The following TTC38 variants were observed in gnomAD, a reference collection of about 807,000 sequenced individuals.
TTC38 encodes tetratricopeptide repeat protein 38.
A neutral mutation model predicts 64.2 loss-of-function variants in TTC38; 64 were observed. The observed-to-expected ratio is 1.00, with a 90% CI of 0.81 to 1.23. The LOEUF (loss-of-function observed/expected upper bound fraction) is 1.23. Ranked by LOEUF, TTC38 falls within the 50% of genes most tolerant of loss-of-function variation. The pLI is 0.00. For missense variants in TTC38, 573 were observed against 615.5 expected (o/e 0.93, Z 0.73); for synonymous variants, 254 against 249.3 (o/e 1.02, Z -0.18).
Position 46,293,278 on chromosome 22 carries a change from C to A in TTC38, c.*394C>A. ...CCTCCCCCCACTGCCTGTCCCCGTC[C>A]CCACCAGGCTGCCCTTGGGATGGAC... On this transcript the variant is annotated 3_prime_UTR_variant, in exon 14 of 14. Coordinates refer to ENST00000381031, the MANE Select transcript of TTC38 (RefSeq NM_017931.4). The surrounding 1 kb of genome is among the most constrained non-coding windows in gnomAD (Gnocchi z 6.6). The A allele has an allele frequency of 4.7e-6, 1 of 213,978 alleles. No individual in the cohort carries two copies. The allele number at this position is 213,978 out of a possible 1,614,324, so 13.3% of individuals were successfully genotyped here. A position where few individuals can be genotyped will look rare whatever the true frequency, so the allele number is the denominator to read the frequency against.
At chr22:46,268,488 T>A (rs1012952286) in intron 1 of TTC38, 26 bp from the exon 2 acceptor site, 1 of 1,613,178 alleles carries the variant, frequency 6.2e-7, no homozygotes, top group Non-Finnish European at 8.5e-7. Flanking sequence ...GAGAAGGCAC[T>A]GCTATTCCCT....
At position 46,275,968 on chromosome 22, in the gene TTC38, G is replaced by A. The variant is rs528670435; in HGVS notation, c.539+547G>A. 2.6e-4 allele frequency among the ~76,000 whole-genome samples: 40 copies of A among 151,988 alleles called. No homozygotes were observed. The highest frequency in any genetic ancestry group is 8.7e-4 in the African/African-American group (36 of 41,542). On this transcript the variant is annotated intron_variant, in intron 5 of 13. Coordinates refer to ENST00000381031, the MANE Select transcript of TTC38 (RefSeq NM_017931.4). This position sits in a 1 kb window ranked among gnomAD's most constrained non-coding sequence, Gnocchi z 4.5. ...AGAGACCAGGAAGTACAGTTCTACC[G>A]TGTGCTTGGGAAGAGAAGAAGGCCT... is the stretch of plus-strand genomic sequence containing the variant.
chr22:46,279,058 T>A (rs1377802949), intron 6 of TTC38, among the ~76,000 whole-genome samples: 1 of 152,198 alleles, frequency 6.6e-6, no homozygotes, highest in African/African-American at 2.4e-5. Flanking sequence ...GAAGTGTAAA[T>A]AAGCGTTGGC....
rs1306037268 is a variant in TTC38, at chr22:46,289,527, A to G, written c.1208A>G (p.Tyr403Cys). ...RVLELLLPIR[Y>C]RIVQLGGSNA... Reference sequence around the variant, plus strand: ...CTGGAGCTGCTCCTGCCCATCCGCTACCGGATCGTCCAGCTCGGTGGGAGC... The same window carrying G: ...CTGGAGCTGCTCCTGCCCATCCGCTGCCGGATCGTCCAGCTCGGTGGGAGC... Residue 403 changes from tyrosine to cysteine, a missense_variant, in exon 12 of 14, where the codon TAC becomes TGC. By Grantham distance (194) the Tyr-to-Cys change is radical. Transcript: ENST00000381031. The G allele has an allele frequency of 6.2e-6, 10 of 1,604,272 alleles. No individual in the cohort carries two copies. The highest frequency in any genetic ancestry group is 6.8e-6 in the Non-Finnish European group (8 of 1,177,098).
At chr22:46,285,367 G>A (rs940274186) in intron 9 of TTC38, 88 bp downstream of exon 9, 5 of 1,278,072 alleles carry the variant, frequency 3.9e-6, no homozygotes, top group Non-Finnish European at 5.7e-6. Flanking sequence ...CATCAGGATT[G>A]TCCCAGCCAG....
intron 1 of TTC38, among the ~76,000 whole-genome samples, 170 bp from the exon 2 acceptor site, chr22:46,268,344 G>A (rs1282401170): frequency 6.6e-6 from 1 of 152,240 alleles, no homozygotes; most frequent in Non-Finnish European, 1.5e-5. Context: ...GGGGACGCAG[G>A]GAAGCCCGCA....
rs1936951806 is a variant in TTC38 at position 46,273,957 on chromosome 22, C to T, written c.253C>T (p.Leu85=). 6.2e-7 allele frequency: 1 copy of T among 1,614,246 alleles called. No homozygotes were observed. The part of the protein sequence containing the change: ...VLIGTGSSVK[L]DKELDLAVKT... The stretch of plus-strand genomic sequence containing the variant: ...GATTGGCACTGGAAGCTCCGTGAAG[C>T]TGGACAAAGAGCTGGACCTGGCTGT... The change falls in exon 4 of 14, where the codon CTG becomes TTG. Residue 85 remains leucine, a synonymous_variant. Coordinates refer to ENST00000381031, the MANE Select transcript of TTC38 (RefSeq NM_017931.4). The surrounding 1 kb of genome is among the most constrained non-coding windows in gnomAD (Gnocchi z 5.1).
intron 7 of TTC38, 76 bp from the exon 8 acceptor site, chr22:46,283,897 A>T (rs1601879549): frequency 1.7e-6 from 1 of 593,498 alleles, no homozygotes; most frequent in Non-Finnish European, 2.9e-6. Flanking sequence ...TTTCTGCATT[A>T]GCACAAAACA....
Position 46,274,198 on chromosome 22 carries a change from A to T in TTC38, c.365+129A>T. 1.2e-6 allele frequency: 1 copy of T among 803,982 alleles called. No individual in the cohort carries two copies. Among genetic ancestry groups the T allele is most frequent in the Non-Finnish European group, 1.9e-6 (1 of 516,228 alleles). The allele number at this position is 803,982 out of a possible 1,614,324, so 49.8% of individuals were successfully genotyped here. A position where few individuals can be genotyped will look rare whatever the true frequency, so the allele number is the denominator to read the frequency against. On this transcript the variant is annotated intron_variant, in intron 4 of 13. Transcript: ENST00000381031. The surrounding 1 kb of genome is among the most constrained non-coding windows in gnomAD (Gnocchi z 4.8). ...AATGCTTCTCTCCCTGCCTCCTGAGATGCTCTGATGGAAAATCGCATCCTG... is the reference window on the plus strand; with the variant it reads ...AATGCTTCTCTCCCTGCCTCCTGAGTTGCTCTGATGGAAAATCGCATCCTG...
intron 9 of TTC38, among the ~76,000 whole-genome samples, chr22:46,286,534 A>G (rs2077572843): frequency 6.6e-6 from 1 of 151,994 alleles, no homozygotes; most frequent in Admixed American, 6.6e-5. Flanking sequence ...GGTGGTGGGC[A>G]CCTGTAATCC....
At chr22:46,283,851 CAAAAAAAAAAAA>C (rs58477670) in intron 7 of TTC38, 110 bp from the exon 8 acceptor site, 12 of 210,768 alleles carry the variant, frequency 5.7e-5, no homozygotes, top group Admixed American at 9.0e-5. Context: ...GACTTAGTCT[CAAAAAAAAAAAA>C]AAAAAAAAAA....
At chr22:46,288,720 C>A in intron 11 of TTC38, 132 bp downstream of exon 11, 1 of 908,102 alleles carries the variant, frequency 1.1e-6, no homozygotes, top group Non-Finnish European at 1.7e-6. Context: ...CCCATGGAGG[C>A]AGCTCCCAGG....
chr22:46,286,991 T>C, intron 9 of TTC38, 82 bp from the exon 10 acceptor site: 1 of 1,155,772 alleles, frequency 8.7e-7, no homozygotes, highest in Non-Finnish European at 1.2e-6. Flanking sequence ...CCACCCCACC[T>C]GGACAGGCTG....
chr22:46,291,555 C>A lies in TTC38; in HGVS notation c.1317-1236C>A, dbSNP rs964353425. ...CCACCCACAGCCATGGTGCCCCCCA[C>A]AATGAGTTCCCGGCCCCAGCCCCTT... On this transcript the variant is annotated intron_variant, in intron 13 of 13. Transcript: ENST00000381031. The surrounding 1 kb of genome is among the most constrained non-coding windows in gnomAD (Gnocchi z 4.6). Among the ~76,000 whole-genome samples the A allele has an allele frequency of 2.6e-5, 4 of 152,202 alleles. No homozygotes were observed. Among genetic ancestry groups the A allele is most frequent in the African/African-American group, 4.8e-5 (2 of 41,440 alleles).
At chr22:46,269,123 A>ACTCTCCC (rs1569011662) in intron 2 of TTC38, 1 of 435,010 alleles carries the variant, frequency 2.3e-6, no homozygotes, top group Non-Finnish European at 4.7e-6. Flanking sequence ...GGGCCTCTGC[A>ACTCTCCC]CTCTCCCTTC....
Position 46,272,106 on chromosome 22 carries a change from T to C in TTC38, c.112-229T>C, listed in dbSNP as rs886223935. Among the ~76,000 whole-genome samples, 2 of 152,156 alleles carry C rather than the reference T, an allele frequency of 1.3e-5. No individual in the cohort carries two copies. Among genetic ancestry groups the C allele is most frequent in the Non-Finnish European group, 1.5e-5 (1 of 68,034 alleles). On this transcript the variant is annotated intron_variant, in intron 2 of 13. Coordinates refer to ENST00000381031, the MANE Select transcript of TTC38 (RefSeq NM_017931.4). The surrounding 1 kb of genome is among the most constrained non-coding windows in gnomAD (Gnocchi z 6.4). Reference sequence around the variant, plus strand: ...CCCGGGTTCAAGTGATTCTCATGCCTCTGCCTACCAAGTGGCTGGGACTAC... The same window carrying C: ...CCCGGGTTCAAGTGATTCTCATGCCCCTGCCTACCAAGTGGCTGGGACTAC...
chr22:46,289,061 G>C lies in TTC38; in HGVS notation c.1083-341G>C, dbSNP rs566664072. ...CTGCCCTGCCCATTCCCTTCCGGGG[G>C]TGATGATTGCCTTGGCTTGCAGTGC... On this transcript the variant is annotated intron_variant, in intron 11 of 13. Coordinates refer to ENST00000381031, the MANE Select transcript of TTC38 (RefSeq NM_017931.4). Among the ~76,000 whole-genome samples the C allele has an allele frequency of 2.6e-5, 4 of 152,230 alleles. No homozygotes were observed. In the East Asian group the frequency reaches 7.7e-4, roughly 29 times the overall value.
In TTC38 at chr22:46,293,117, T is replaced by C; in HGVS notation, c.*233T>C. The C allele has an allele frequency of 1.9e-6, 1 of 516,516 alleles. No individual in the cohort carries two copies. Among genetic ancestry groups the C allele is most frequent in the East Asian group, 3.1e-5 (1 of 32,750 alleles). The allele number at this position is 516,516 out of a possible 1,614,324, so 32.0% of individuals were successfully genotyped here. On this transcript the variant is annotated 3_prime_UTR_variant, in exon 14 of 14. Coordinates refer to ENST00000381031, the MANE Select transcript of TTC38 (RefSeq NM_017931.4). The surrounding 1 kb of genome is among the most constrained non-coding windows in gnomAD (Gnocchi z 6.6). ...AGCATTTTTCAGCAGTCACAGCCAG[T>C]GTGAGTGCTGCTCTTTCCACCTGCC... is the stretch of plus-strand genomic sequence containing the variant.
intron 5 of TTC38, 51 bp from the exon 6 acceptor site, chr22:46,278,535 C>G: frequency 6.7e-7 from 1 of 1,502,506 alleles, no homozygotes; most frequent in Non-Finnish European, 9.3e-7. Context: ...ACAGTTCAAC[C>G]TGCTACCCAT....
Sources: gnomAD v4.1 joint callset for allele counts (sites outside exome capture counted in the v4.1 genomes callset) on GRCh38, gnomAD v4.1.1 for gene constraint, Gnocchi (gnomAD v3.1) non-coding constraint, MANE v1.5 for transcripts, NCBI Gene and HGNC (gene_info 2026-07-23, HGNC 2026-07-21) for gene names.